Variants in PHOX2A observed in about 807,000 individuals in gnomAD.
PHOX2A encodes paired like homeobox 2A, also known as paired mesoderm homeobox protein 2A.
Under a neutral mutation model 16.4 loss-of-function variants are expected in PHOX2A, and 10 were observed. The ratio of observed to expected loss-of-function variants is 0.61; its 90% CI spans 0.38 to 1.04. PHOX2A has a LOEUF of 1.04. Among genes scored for constraint, PHOX2A ranks in the 50% least tolerant of loss-of-function variants. The probability of loss-of-function intolerance (pLI) is 0.01; values close to 1 mark genes in which losing one functional copy is unlikely to be tolerated. For missense variants in PHOX2A, 361 were observed against 419.4 expected (o/e 0.86, Z 1.22); for synonymous variants, 219 against 203.8 (o/e 1.07, Z -0.64).
intron 2 of PHOX2A, 84 bp downstream of exon 2, chr11:72,241,018 A>AT (rs1949114980): frequency 2.1e-6 from 3 of 1,431,906 alleles, no homozygotes; most frequent in South Asian, 2.4e-5. Flanking sequence ...ATCTGCCTGT[A>AT]TTCCCCTACC....
chr11:72,243,015 G>T (rs984321187), intron 1 of PHOX2A, among the ~76,000 whole-genome samples: 1 of 152,094 alleles, frequency 6.6e-6, no homozygotes, highest in African/African-American at 2.4e-5. Flanking sequence ...TCCCAGGAGG[G>T]AAGGCGATAA....
At chr11:72,242,914 G>C (rs928225507) in intron 1 of PHOX2A, among the ~76,000 whole-genome samples, 1 of 151,542 alleles carries the variant, frequency 6.6e-6, no homozygotes, top group Non-Finnish European at 1.5e-5. Context: ...TGATCCACCC[G>C]CCTTGGCCTC....
Position 72,240,072 on chromosome 11 carries a change from T to A in PHOX2A, c.532A>T (p.Lys178Ter). The A allele has an allele frequency of 6.5e-7, 1 of 1,530,648 alleles. No homozygotes were observed. Among genetic ancestry groups the A allele is most frequent in the Non-Finnish European group, 8.7e-7 (1 of 1,143,490 alleles). The allele number at this position is 1,530,648 out of a possible 1,614,324, so 94.8% of individuals were successfully genotyped here. A position where few individuals can be genotyped will look rare whatever the true frequency, so the allele number is the denominator to read the frequency against. Residue 178 changes from lysine (K) to a stop codon, truncating the protein, a stop_gained, in exon 3 of 3, where the codon AAG becomes TAG. Transcript: ENST00000298231. LOFTEE classifies it high-confidence loss of function. The part of the protein sequence containing the change: ...ARCSSEDDDS[K>*]ESTCSPTPDS... The stretch of plus-strand genomic sequence containing the variant: ...GGCGTGGGGCTGCACGTGGACTCCT[T>A]GGAATCGTCGTCCTCGGAGGAGCAG...
At chr11:72,242,442 TCCATCTCTGCTC>T (rs1158981285) in intron 1 of PHOX2A, among the ~76,000 whole-genome samples, 1 of 152,116 alleles carries the variant, frequency 6.6e-6, no homozygotes, top group Non-Finnish European at 1.5e-5. Context: ...TTCCAGTGCT[TCCATCTCTGCTC>T]CCATCTCTCT....
At chr11:72,241,060 C>A in intron 2 of PHOX2A, 42 bp downstream of exon 2, 2 of 1,601,024 alleles carry the variant, frequency 1.2e-6, no homozygotes, top group Non-Finnish European at 1.7e-6. Flanking sequence ...TCCCACACCT[C>A]CTTCCATGCG....
chr11:72,240,932 G>A (rs1949113634), intron 2 of PHOX2A, among the ~76,000 whole-genome samples, 170 bp downstream of exon 2: 1 of 152,212 alleles, frequency 6.6e-6, no homozygotes, highest in Admixed American at 6.5e-5. Flanking sequence ...GGTCTCCCAA[G>A]GGCCTCCAAG....
At position 72,241,283 on chromosome 11, in the gene PHOX2A, T is replaced by A. The variant is rs1461590608; in HGVS notation, c.224A>T (p.Tyr75Phe). The A allele has an allele frequency of 4.2e-6, 6 of 1,421,312 alleles. No individual in the cohort carries two copies. The highest frequency in any genetic ancestry group is 4.6e-6 in the Non-Finnish European group (5 of 1,082,638). The allele number at this position is 1,421,312 out of a possible 1,614,324, so 88.0% of individuals were successfully genotyped here. Reference protein sequence around the residue: ...HQPAPYSAVPYKFFPEPSGLH... With the variant: ...HQPAPYSAVPFKFFPEPSGLH... ...GCCGGATGGCTCTGGGAAGAACTTG[T>A]AGGGCACTGCGGGTGTGTGCAGGGG... The change falls in exon 2 of 3, where the codon TAC (tyrosine) becomes TTC (phenylalanine). Residue 75 changes from tyrosine (Y) to phenylalanine (F), a missense_variant. Tyr to Phe is a conservative substitution (Grantham distance 22). Transcript: ENST00000298231.
At chr11:72,242,302 CCT>C (rs1264364833) in intron 1 of PHOX2A, among the ~76,000 whole-genome samples, 1 of 152,126 alleles carries the variant, frequency 6.6e-6, no homozygotes, top group Non-Finnish European at 1.5e-5. Context: ...CTCCATCTCC[CCT>C]GATTCTTGTC....
chr11:72,242,295 C>CA (rs1202291707), intron 1 of PHOX2A, among the ~76,000 whole-genome samples: 1 of 152,134 alleles, frequency 6.6e-6, no homozygotes, highest in Non-Finnish European at 1.5e-5. Flanking sequence ...TCCAGGCCTC[C>CA]ATCTCCCCTG....
intron 2 of PHOX2A, among the ~76,000 whole-genome samples, chr11:72,240,744 G>C (rs1463348893): frequency 6.6e-6 from 1 of 152,196 alleles, no homozygotes; most frequent in African/African-American, 2.4e-5. Flanking sequence ...CAGCGCCGGG[G>C]TAGGGAACCC....
At chr11:72,240,764 T>C (rs1949111280) in intron 2 of PHOX2A, among the ~76,000 whole-genome samples, 1 of 152,220 alleles carries the variant, frequency 6.6e-6, no homozygotes, top group Non-Finnish European at 1.5e-5. Context: ...CCAGGGGTGC[T>C]GACTGGCCTG....
chr11:72,243,425 T>C (rs533226241), intron 1 of PHOX2A, among the ~76,000 whole-genome samples: 2 of 151,854 alleles, frequency 1.3e-5, no homozygotes, highest in East Asian at 3.9e-4. Context: ...TGATAAGTGG[T>C]GATAGGGCTG....
Position 72,240,025 on chromosome 11 carries a change from C to A in PHOX2A, c.579G>T (p.Pro193=). The change falls in exon 3 of 3, where the codon CCG becomes CCT. Residue 193 remains proline, a synonymous_variant. Coordinates refer to ENST00000298231, the MANE Select transcript of PHOX2A (RefSeq NM_005169.4). ...SPTPDSTASL[P]PPPAPGLASP... ...TGGCCAGGCCGGGCGCAGGCGGCGGCGGCAGCGAGGCGGTGCTATCGGGCG... is the reference window on the plus strand; with the variant it reads ...TGGCCAGGCCGGGCGCAGGCGGCGGAGGCAGCGAGGCGGTGCTATCGGGCG... The A allele has an allele frequency of 6.9e-7, 1 of 1,442,208 alleles. No homozygotes were observed. The allele number at this position is 1,442,208 out of a possible 1,614,324, so 89.3% of individuals were successfully genotyped here.
At chr11:72,241,408 G>A in intron 1 of PHOX2A, 119 bp from the exon 2 acceptor site, 1 of 661,426 alleles carries the variant, frequency 1.5e-6, no homozygotes, top group Non-Finnish European at 2.6e-6. Flanking sequence ...TCCCTGGCCT[G>A]ATCCCTCGTC....
Position 72,243,924 on chromosome 11 carries a change from G to T in PHOX2A, c.81C>A (p.Cys27Ter). The change falls in exon 1 of 3, where the codon TGC becomes TGA. Residue 27 changes from cysteine (C) to a stop codon, truncating the protein, a stop_gained. Transcript: ENST00000298231. LOFTEE classifies it high-confidence loss of function. Reference protein sequence around the residue: ...EASAYGDFGACSQPGGFQYSP... With the variant: ...EASAYGDFGA ...TGTATTGGAAGCCGCCGGGCTGGCT[G>T]CAGGCGCCAAAGTCGCCGTAGGCGG... The T allele has an allele frequency of 7.7e-7, 1 of 1,306,020 alleles. No homozygotes were observed. Among genetic ancestry groups the T allele is most frequent in the Non-Finnish European group, 9.8e-7 (1 of 1,021,464 alleles). The allele number at this position is 1,306,020 out of a possible 1,614,324, so 80.9% of individuals were successfully genotyped here. A position where few individuals can be genotyped will look rare whatever the true frequency, so the allele number is the denominator to read the frequency against.
Position 72,240,151 on chromosome 11 carries a change from C to G in PHOX2A, c.453G>C (p.Ala151=). Residue 151 remains alanine (A), a synonymous_variant, in exon 3 of 3, where the codon GCG becomes GCC. Transcript: ENST00000298231. ...RRAKFRKQER[A]ASAKGAAGAA... ...CGCCCGCCGCGCCCTTGGCGCTGGC[C>G]GCGCGCTCCTGTTTGCGGAACTTGG... The G allele has an allele frequency of 6.5e-7, 1 of 1,534,992 alleles. No homozygotes were observed. Among genetic ancestry groups the G allele is most frequent in the Non-Finnish European group, 8.7e-7 (1 of 1,145,336 alleles).
At position 72,239,988 on chromosome 11, in the gene PHOX2A, TCAGGCGCGGGCTGGC is replaced by T; in HGVS notation, c.601_615del (p.Ala201_Leu205del). 1 of 1,358,376 alleles carries T rather than the reference TCAGGCGCGGGCTGGC, an allele frequency of 7.4e-7. No individual in the cohort carries two copies. The highest frequency in any genetic ancestry group is 2.8e-4 in the Middle Eastern group (1 of 3,614). The allele number at this position is 1,358,376 out of a possible 1,614,324, so 84.1% of individuals were successfully genotyped here. A position where few individuals can be genotyped will look rare whatever the true frequency, so the allele number is the denominator to read the frequency against. ...AGTGCGACGGGCAGCGGGCTGGGGC[TCAGGCGCGGGCTGGC>T]CAGGCCGGGCGCAGGCGGCGGCGGC... On this transcript the variant is annotated inframe_deletion, in exon 3 of 3. Coordinates refer to ENST00000298231, the MANE Select transcript of PHOX2A (RefSeq NM_005169.4).
rs1949114633 is a variant in PHOX2A, at chr11:72,240,997, C to T, written c.405+105G>A. 4.7e-6 allele frequency: 6 copies of T among 1,283,038 alleles called. No individual in the cohort carries two copies. The South Asian group carries it at 7.6e-5, about 16-fold the overall frequency. The allele number at this position is 1,283,038 out of a possible 1,614,324, so 79.5% of individuals were successfully genotyped here. A position where few individuals can be genotyped will look rare whatever the true frequency, so the allele number is the denominator to read the frequency against. On this transcript the variant is annotated intron_variant, in intron 2 of 2. Transcript: ENST00000298231. ...CAAGCACCCTGGGACCGCGCCCTGC[C>T]TTCGGGCTGCATCTGCCTGTATTCC...
In PHOX2A at chr11:72,240,022, C is replaced by A. The variant is rs1026357322; in HGVS notation, c.582G>T (p.Pro194=). 1 of 1,438,008 alleles carries A rather than the reference C, an allele frequency of 7.0e-7. No individual in the cohort carries two copies. The allele number at this position is 1,438,008 out of a possible 1,614,324, so 89.1% of individuals were successfully genotyped here. Reference sequence around the variant, plus strand: ...GGCTGGCCAGGCCGGGCGCAGGCGGCGGCGGCAGCGAGGCGGTGCTATCGG... The same window carrying A: ...GGCTGGCCAGGCCGGGCGCAGGCGGAGGCGGCAGCGAGGCGGTGCTATCGG... ...PTPDSTASLP[P]PPAPGLASPR... The change falls in exon 3 of 3, where the codon CCG becomes CCT. Residue 194 remains proline (P), a synonymous_variant. Coordinates refer to ENST00000298231, the MANE Select transcript of PHOX2A (RefSeq NM_005169.4).
Sources: allele counts gnomAD v4.1 joint callset (sites outside exome capture counted in the v4.1 genomes callset), GRCh38; gene constraint gnomAD v4.1.1; transcripts MANE v1.5; gene names NCBI Gene and HGNC (gene_info 2026-07-23, HGNC 2026-07-21).